GBE1: variants seen among roughly 807,000 people sequenced by gnomAD.
GBE1 encodes 1,4-alpha-glucan branching enzyme 1.
Under a neutral mutation model 88.8 loss-of-function variants are expected in GBE1, and 70 were observed. The observed-to-expected ratio is 0.79, with a 90% CI of 0.65 to 0.96. The LOEUF (loss-of-function observed/expected upper bound fraction) is 0.96. GBE1 is among the 40% of genes least tolerant of loss of function. GBE1 has a pLI of 0.00. For missense variants in GBE1, 872 were observed against 871.0 expected, an observed-to-expected ratio of 1.00 and a Z score of -0.01; for synonymous variants, 284 against 300.1, an observed-to-expected ratio of 0.95 and a Z score of 0.56.
intron 7 of GBE1, 74 bp downstream of exon 7, chr3:81,642,706 TG>T (rs1243995714): frequency 1.1e-6 from 1 of 934,962 alleles, no homozygotes; most frequent in African/African-American, 1.6e-5. Context: ...ACACACACAA[TG>T]AATTTAGTGA....
At chr3:81,611,122 T>C (rs1233547255) in intron 7 of GBE1, among the ~76,000 whole-genome samples, 1 of 152,096 alleles carries the variant, frequency 6.6e-6, no homozygotes, top group Admixed American at 6.6e-5. Flanking sequence ...AAATTATTTA[T>C]AGGAGTCTAG....
chr3:81,620,989 G>T (rs1002983621), intron 7 of GBE1, among the ~76,000 whole-genome samples: 1 of 152,174 alleles, frequency 6.6e-6, no homozygotes, highest in Non-Finnish European at 1.5e-5. Flanking sequence ...ACTCTGCAGG[G>T]AGACGCTCTC....
chr3:81,750,573 ATACG>A (rs1171907553), intron 1 of GBE1, among the ~76,000 whole-genome samples: 3 of 64,408 alleles, frequency 4.7e-5, no homozygotes, highest in African/African-American at 1.8e-4. Context: ...GTATATATAT[ATACG>A]TATATATATA....
Position 81,700,927 on chromosome 3 carries a change from G to A in GBE1, c.313+4517C>T, listed in dbSNP as rs563438097. 2.0e-5 allele frequency among the ~76,000 whole-genome samples: 3 copies of A among 152,124 alleles called. No individual in the cohort carries two copies. The East Asian group carries it at 5.8e-4, about 29-fold the overall frequency. The stretch of plus-strand genomic sequence containing the variant: ...AAATGCTTTCCGTTATAGCAAATAA[G>A]AACCCAATTATTTTATATTGACATA... On this transcript the variant is annotated intron_variant, in intron 2 of 15. Coordinates refer to ENST00000429644, the MANE Select transcript of GBE1 (RefSeq NM_000158.4).
intron 12 of GBE1, among the ~76,000 whole-genome samples, chr3:81,551,593 T>A (rs28422956): frequency 6.6e-6 from 1 of 152,108 alleles, no homozygotes; most frequent in East Asian, 1.9e-4. Flanking sequence ...GGAAGCCCCC[T>A]CCCCACTTCC....
At position 81,644,218 on chromosome 3, in the gene GBE1, A is replaced by ATG. The variant is rs1347599441; in HGVS notation, c.783-1229_783-1228insCA. Among the ~76,000 whole-genome samples, 26 of 152,282 alleles carry ATG rather than the reference A, an allele frequency of 1.7e-4. No homozygotes were observed. The East Asian group carries it at 5.0e-3, about 29-fold the overall frequency. On this transcript the variant is annotated intron_variant, in intron 6 of 15. Transcript: ENST00000429644. ...GAATTTACATTCCCATTGGGAGACA[A>ATG]CAAACAAGCAAAATACATAGAATGT...
intron 2 of GBE1, among the ~76,000 whole-genome samples, chr3:81,694,607 G>A (rs780584091): frequency 8.5e-5 from 13 of 152,070 alleles, no homozygotes; most frequent in South Asian, 6.2e-4. Context: ...TGGAGAGTAC[G>A]GCAGAGAAGG....
rs79499408 is a variant in GBE1 at position 81,679,934 on chromosome 3, C to T, written c.314-8981G>A. 1.9e-3 allele frequency among the ~76,000 whole-genome samples: 285 copies of T among 152,160 alleles called. 1 individual carries two copies. The highest frequency in any genetic ancestry group is 6.5e-3 in the African/African-American group (270 of 41,518). On this transcript the variant is annotated intron_variant, in intron 2 of 15. Coordinates refer to ENST00000429644, the MANE Select transcript of GBE1 (RefSeq NM_000158.4). ...ACTCCAACACTAAAACTATGCAAAG[C>T]ATATAAAAACAGAGCTGATCTGGCT...
chr3:81,556,701 T>C (rs115888399), intron 12 of GBE1, among the ~76,000 whole-genome samples: 58 of 152,138 alleles, frequency 3.8e-4, no homozygotes, highest in African/African-American at 1.3e-3. Flanking sequence ...CCCTGTGAAA[T>C]GATGTATTTA....
At chr3:81,660,151 T>C (rs540321615) in intron 3 of GBE1, among the ~76,000 whole-genome samples, 2 of 152,308 alleles carry the variant, frequency 1.3e-5, no homozygotes, top group Admixed American at 6.5e-5. Flanking sequence ...GCACTAGATA[T>C]GCATTTGGAT....
chr3:81,616,347 G>A lies in GBE1; in HGVS notation c.993-22324C>T, dbSNP rs376713190. 1.1e-4 allele frequency among the ~76,000 whole-genome samples: 16 copies of A among 152,130 alleles called. No homozygotes were observed. The East Asian group carries it at 1.5e-3, about 15-fold the overall frequency. ...TTTTTCTAACATTTTCACATTTTACGTGTTAATCTATAATCTATTTTAGTA... is the reference window on the plus strand; with the variant it reads ...TTTTTCTAACATTTTCACATTTTACATGTTAATCTATAATCTATTTTAGTA... On this transcript the variant is annotated intron_variant, in intron 7 of 15. Transcript: ENST00000429644.
At chr3:81,535,706 T>C (rs1469882165) in intron 13 of GBE1, among the ~76,000 whole-genome samples, 1 of 152,114 alleles carries the variant, frequency 6.6e-6, no homozygotes, top group Non-Finnish European at 1.5e-5. Flanking sequence ...TGCGGTTAGG[T>C]ACATAAAATT....
chr3:81,602,294 T>C (rs1345582980), intron 7 of GBE1, among the ~76,000 whole-genome samples: 1 of 152,202 alleles, frequency 6.6e-6, no homozygotes, highest in Non-Finnish European at 1.5e-5. Context: ...GTCGTTAACA[T>C]AGGACTTCCT....
intron 12 of GBE1, among the ~76,000 whole-genome samples, chr3:81,568,469 GTTTT>G (rs75967029): frequency 0.29 from 43,669 of 151,772 alleles, 6,407 homozygotes; most frequent in East Asian, 0.44. Flanking sequence ...TCATTTGCAG[GTTTT>G]TTATTTGTTT....
intron 2 of GBE1, among the ~76,000 whole-genome samples, chr3:81,683,952 T>C (rs1197187569): frequency 6.6e-6 from 1 of 152,184 alleles, no homozygotes; most frequent in Non-Finnish European, 1.5e-5. Flanking sequence ...AAGAGTCTTA[T>C]TATGATAGAA....
chr3:81,523,992 C>A (rs1363639817), intron 14 of GBE1, among the ~76,000 whole-genome samples: 2 of 151,726 alleles, frequency 1.3e-5, no homozygotes, highest in South Asian at 2.1e-4. Context: ...ATACTGATTT[C>A]TTTACTTTTG....
intron 7 of GBE1, among the ~76,000 whole-genome samples, chr3:81,613,639 T>C (rs1704210785): frequency 6.6e-6 from 1 of 152,166 alleles, no homozygotes; most frequent in South Asian, 2.1e-4. Context: ...TTTGACAATA[T>C]GATTTCTCCT....
At chr3:81,703,263 G>A (rs1576205706) in intron 2 of GBE1, among the ~76,000 whole-genome samples, 1 of 151,992 alleles carries the variant, frequency 6.6e-6, no homozygotes, top group South Asian at 2.1e-4. Context: ...TAACAACCAT[G>A]ACTTAAGTGA....
At chr3:81,516,938 A>G (rs1470545683) in intron 14 of GBE1, among the ~76,000 whole-genome samples, 1 of 151,672 alleles carries the variant, frequency 6.6e-6, no homozygotes, top group Non-Finnish European at 1.5e-5. Flanking sequence ...TGAGCAAAGA[A>G]TATGGTTTCT....
Sources: allele counts gnomAD v4.1 joint callset (sites outside exome capture counted in the v4.1 genomes callset), GRCh38; gene constraint gnomAD v4.1.1; transcripts MANE v1.5; gene names NCBI Gene and HGNC (gene_info 2026-07-23, HGNC 2026-07-21).